ZZZ3: variants seen among roughly 807,000 people sequenced by gnomAD.
ZZZ3 encodes the protein ZZ-type zinc finger-containing protein 3.
Under a neutral mutation model 95.2 loss-of-function variants are expected in ZZZ3, and 22 were observed. The ratio of observed to expected loss-of-function variants is 0.23; its 90% CI spans 0.17 to 0.33. ZZZ3 has a LOEUF of 0.33. Ranked by LOEUF, ZZZ3 falls within the 10% of genes least tolerant of loss-of-function variation. The probability of loss-of-function intolerance (pLI) is 1.00; values close to 1 mark genes in which losing one functional copy is unlikely to be tolerated. For synonymous variants in ZZZ3, 335 were observed against 358.9 expected (o/e 0.93, Z 0.75); for missense variants, 885 against 1,066.5 (o/e 0.83, Z 2.37).
At position 77,582,134 on chromosome 1, in the gene ZZZ3, CA is replaced by C; in HGVS notation, c.1645-9del. 1 of 1,573,876 alleles carries C rather than the reference CA, an allele frequency of 6.4e-7. No homozygotes were observed. The highest frequency in any genetic ancestry group is 8.6e-7 in the Non-Finnish European group (1 of 1,167,110). On this transcript the variant is annotated splice_polypyrimidine_tract_variant and intron_variant, in intron 6 of 14. Coordinates refer to ENST00000370801, the MANE Select transcript of ZZZ3 (RefSeq NM_015534.6). ...TGGAAGCCCAATATCAGCCTGGAGGCAGGGGAGAAAAAACAAAATAAAGTAA... is the reference window on the plus strand; with the variant it reads ...TGGAAGCCCAATATCAGCCTGGAGGCGGGGAGAAAAAACAAAATAAAGTAA...
intron 1 of ZZZ3, among the ~76,000 whole-genome samples, chr1:77,663,118 A>AT (rs944158032): frequency 2.6e-5 from 4 of 151,974 alleles, no homozygotes; most frequent in South Asian, 2.1e-4. Context: ...AAAAAAATTA[A>AT]TAAAAAAAAA....
intron 5 of ZZZ3, among the ~76,000 whole-genome samples, chr1:77,599,235 A>C (rs191590936): frequency 1.3e-5 from 2 of 152,160 alleles, no homozygotes; most frequent in East Asian, 3.9e-4. Flanking sequence ...ACTTGTAAAG[A>C]AATTATTATA....
intron 5 of ZZZ3, among the ~76,000 whole-genome samples, chr1:77,597,483 T>C (rs1367392856): frequency 2.0e-5 from 3 of 152,002 alleles, no homozygotes; most frequent in Non-Finnish European, 4.4e-5. Flanking sequence ...GAAAAAAGAA[T>C]AATTACAGTG....
At chr1:77,588,808 T>G (rs1005634270) in intron 5 of ZZZ3, among the ~76,000 whole-genome samples, 5 of 152,242 alleles carry the variant, frequency 3.3e-5, no homozygotes, top group Admixed American at 6.5e-5. Flanking sequence ...AAATTATTTG[T>G]TATTTATGTC....
At chr1:77,674,586 C>T (rs1437105095) in intron 1 of ZZZ3, among the ~76,000 whole-genome samples, 1 of 151,962 alleles carries the variant, frequency 6.6e-6, no homozygotes, top group Non-Finnish European at 1.5e-5. Context: ...TGAGAACTTT[C>T]TGTGTGTATT....
intron 5 of ZZZ3, among the ~76,000 whole-genome samples, chr1:77,587,702 G>A (rs1021592645): frequency 5.3e-5 from 8 of 152,170 alleles, no homozygotes; most frequent in African/African-American, 1.4e-4. Flanking sequence ...GAGAAACAAT[G>A]TAAGATGAAA....
At chr1:77,598,954 C>T (rs1664473384) in intron 5 of ZZZ3, among the ~76,000 whole-genome samples, 1 of 152,096 alleles carries the variant, frequency 6.6e-6, no homozygotes, top group Admixed American at 6.6e-5. Context: ...GTTAAACCGG[C>T]CCCATTATAT....
chr1:77,571,596 C>A (rs1451289395), intron 12 of ZZZ3, among the ~76,000 whole-genome samples: 2 of 152,036 alleles, frequency 1.3e-5, no homozygotes, highest in Non-Finnish European at 2.9e-5. Context: ...TATAATGCAG[C>A]CTTAAAAAGG....
At chr1:77,623,927 C>CA (rs994611163) in intron 5 of ZZZ3, among the ~76,000 whole-genome samples, 24 of 148,552 alleles carry the variant, frequency 1.6e-4, no homozygotes, top group African/African-American at 4.7e-4. Context: ...AAAGTAAGAC[C>CA]AAAAAAAAAG....
At chr1:77,613,345 C>G (rs1486369223) in intron 5 of ZZZ3, among the ~76,000 whole-genome samples, 3 of 151,782 alleles carry the variant, frequency 2.0e-5, no homozygotes, top group Non-Finnish European at 4.4e-5. Context: ...CTTTCAAATC[C>G]TAACCACACA....
At chr1:77,598,278 A>G (rs1418294758) in intron 5 of ZZZ3, among the ~76,000 whole-genome samples, 5 of 152,186 alleles carry the variant, frequency 3.3e-5, no homozygotes, top group Non-Finnish European at 7.4e-5. Flanking sequence ...TTATTCAGAA[A>G]ATCATAAGGA....
At position 77,574,352 on chromosome 1, in the gene ZZZ3, C is replaced by T. The variant is rs530308770; in HGVS notation, c.2331+1716G>A. ...TCATTGAGAACTATGATTTTTAACC[C>T]GCAGAAAGGAGATACATATTTAAGA... On this transcript the variant is annotated intron_variant, in intron 12 of 14. Coordinates refer to ENST00000370801, the MANE Select transcript of ZZZ3 (RefSeq NM_015534.6). Among the ~76,000 whole-genome samples, 19 of 151,744 alleles carry T rather than the reference C, an allele frequency of 1.3e-4. 1 individual carries two copies. Among genetic ancestry groups the T allele is most frequent in the South Asian group, 6.3e-4 (3 of 4,800 alleles).
intron 10 of ZZZ3, 104 bp downstream of exon 10, chr1:77,579,423 G>T: frequency 1.2e-6 from 1 of 832,034 alleles, no homozygotes; most frequent in Non-Finnish European, 2.0e-6. Context: ...GCACTCTGTA[G>T]CTGAAAGTGT....
rs563592279 is a variant in ZZZ3, at chr1:77,591,411, T to C, written c.1506-6756A>G. Among the ~76,000 whole-genome samples, 6 of 152,260 alleles carry C rather than the reference T, an allele frequency of 3.9e-5. No homozygotes were observed. The East Asian group carries it at 9.7e-4, about 25-fold the overall frequency. ...TTGCCCAGGCTGGAGTACACAATCATAGGTCACTGCAGCCTCAAACTCAGG... is the reference window on the plus strand; with the variant it reads ...TTGCCCAGGCTGGAGTACACAATCACAGGTCACTGCAGCCTCAAACTCAGG... On this transcript the variant is annotated intron_variant, in intron 5 of 14. Transcript: ENST00000370801.
intron 1 of ZZZ3, chr1:77,645,701 G>GT (rs942936186): frequency 3.9e-5 from 6 of 152,184 alleles, no homozygotes; most frequent in Non-Finnish European, 7.3e-5. Flanking sequence ...GCGAGGCGCA[G>GT]TGGCTCACGC....
chr1:77,613,696 T>C lies in ZZZ3; in HGVS notation c.1505+18154A>G, dbSNP rs572220758. ...AAATAAAGACATCCAGCCAAGGACC[T>C]TTCTCTTTTCTCCTGACCTTCTCCA... On this transcript the variant is annotated intron_variant, in intron 5 of 14. Coordinates refer to ENST00000370801, the MANE Select transcript of ZZZ3 (RefSeq NM_015534.6). Among the ~76,000 whole-genome samples, 4 of 152,214 alleles carry C rather than the reference T, an allele frequency of 2.6e-5. No individual in the cohort carries two copies. The South Asian group carries it at 8.3e-4, about 32-fold the overall frequency.
intron 5 of ZZZ3, among the ~76,000 whole-genome samples, chr1:77,626,147 T>C (rs1236734764): frequency 6.6e-6 from 1 of 152,100 alleles, no homozygotes; most frequent in Non-Finnish European, 1.5e-5. Context: ...TCACTTAATG[T>C]TTTGGTTAGT....
intron 1 of ZZZ3, among the ~76,000 whole-genome samples, chr1:77,652,787 T>C (rs993542033): frequency 2.0e-5 from 3 of 152,194 alleles, no homozygotes; most frequent in East Asian, 1.9e-4. Flanking sequence ...CAGTGAGGTA[T>C]TGACAAATGC....
chr1:77,616,821 C>T (rs1350793022), intron 5 of ZZZ3, among the ~76,000 whole-genome samples: 1 of 151,960 alleles, frequency 6.6e-6, no homozygotes, highest in Non-Finnish European at 1.5e-5. Context: ...GAGCCAAGAT[C>T]GCGCCACTGC....
Sources: gnomAD v4.1 joint callset for allele counts (sites outside exome capture counted in the v4.1 genomes callset) on GRCh38, gnomAD v4.1.1 for gene constraint, MANE v1.5 for transcripts, NCBI Gene and HGNC (gene_info 2026-07-23, HGNC 2026-07-21) for gene names.